The following MAST4 variants were observed in gnomAD, a reference collection of about 807,000 sequenced individuals.
The protein encoded by MAST4 is microtubule associated serine/threonine kinase family member 4, also known as microtubule-associated serine/threonine-protein kinase 4.
Under a neutral mutation model 162.7 loss-of-function variants are expected in MAST4, and 89 were observed. That is an observed-to-expected ratio of 0.55 (90% CI 0.46 to 0.65). The LOEUF (loss-of-function observed/expected upper bound fraction) is 0.65, where lower values mean the gene tolerates loss of function less well. Among genes scored for constraint, MAST4 ranks in the 30% least tolerant of loss-of-function variants. MAST4 has a pLI of 0.00. For missense variants in MAST4, 3,153 were observed against 3,374.0 expected, an observed-to-expected ratio of 0.93 and a Z score of 1.62; for synonymous variants, 1,479 against 1,361.1, an observed-to-expected ratio of 1.09 and a Z score of -1.91.
chr5:67,130,754 C>T (rs1473182107), intron 15 of MAST4, among the ~76,000 whole-genome samples: 1 of 152,096 alleles, frequency 6.6e-6, no homozygotes, highest in African/African-American at 2.4e-5. Context: ...TAAAAGTACT[C>T]ATCACAATTA....
chr5:67,038,256 T>TTA (rs1554085329), intron 4 of MAST4, among the ~76,000 whole-genome samples: 2 of 144,010 alleles, frequency 1.4e-5, no homozygotes, highest in Non-Finnish European at 3.1e-5. Context: ...TTTTTTTTTT[T>TTA]AACACAGATT....
intron 26 of MAST4, among the ~76,000 whole-genome samples, chr5:67,159,048 AAAAG>A (rs1245695547): frequency 6.6e-6 from 1 of 152,242 alleles, no homozygotes; most frequent in African/African-American, 2.4e-5. Flanking sequence ...AAACAACAAA[AAAAG>A]AGAACAATAG....
intron 4 of MAST4, among the ~76,000 whole-genome samples, chr5:66,999,623 G>A (rs1314756834): frequency 1.3e-5 from 2 of 151,946 alleles, no homozygotes; most frequent in East Asian, 1.9e-4. Context: ...CACTACCTTC[G>A]GAGATTGTGT....
intron 1 of MAST4, among the ~76,000 whole-genome samples, chr5:66,642,346 T>G (rs911079050): frequency 6.6e-6 from 1 of 152,172 alleles, no homozygotes; most frequent in Non-Finnish European, 1.5e-5. Flanking sequence ...AGGAGGAACC[T>G]CAACATTATA....
At chr5:67,149,238 G>A (rs1771480566) in intron 23 of MAST4, 151 bp from the exon 24 acceptor site, 3 of 659,964 alleles carry the variant, frequency 4.5e-6, no homozygotes, top group Non-Finnish European at 5.3e-6. Flanking sequence ...ATCACATGTT[G>A]TTAATGTTCG....
chr5:66,627,691 A>G (rs1744526881), intron 1 of MAST4, among the ~76,000 whole-genome samples: 1 of 151,986 alleles, frequency 6.6e-6, no homozygotes, highest in Admixed American at 6.6e-5. Context: ...TATTAAAGAA[A>G]AAACTTCTAG....
chr5:67,050,962 T>C (rs1451992720), intron 4 of MAST4, among the ~76,000 whole-genome samples: 3 of 152,176 alleles, frequency 2.0e-5, no homozygotes, highest in African/African-American at 4.8e-5. Context: ...AGAATGTATT[T>C]GGGGATGGAA....
chr5:67,134,834 A>T, intron 18 of MAST4, 146 bp downstream of exon 18: 8 of 615,662 alleles, frequency 1.3e-5, no homozygotes, highest in Non-Finnish European at 2.1e-5. Flanking sequence ...ATCAAAGCAT[A>T]TAACTGACAT....
intron 4 of MAST4, among the ~76,000 whole-genome samples, chr5:67,027,299 A>G (rs975807522): frequency 6.6e-5 from 10 of 152,208 alleles, no homozygotes; most frequent in Admixed American, 5.2e-4. Context: ...AAGAGTTCAT[A>G]CAGATGTTTT....
intron 1 of MAST4, among the ~76,000 whole-genome samples, chr5:66,609,672 C>T (rs1169185781): frequency 6.6e-6 from 1 of 150,660 alleles, no homozygotes; most frequent in Non-Finnish European, 1.5e-5. Context: ...CAGGAGTAAG[C>T]CACCATGCCC....
At chr5:67,160,682 A>G (rs981808500) in intron 27 of MAST4, 90 bp downstream of exon 27, 5 of 1,411,438 alleles carry the variant, frequency 3.5e-6, no homozygotes, top group Admixed American at 4.7e-5. Context: ...TATGAAGAAG[A>G]TCTATTTTTC....
chr5:66,754,595 T>G (rs529657884), intron 1 of MAST4, among the ~76,000 whole-genome samples: 1 of 152,370 alleles, frequency 6.6e-6, no homozygotes, highest in East Asian at 1.9e-4. Flanking sequence ...GCAATTGATT[T>G]GCTCTTTCCA....
chr5:67,169,274 T>C lies in MAST4; in HGVS notation c.*2223T>C, dbSNP rs1022470396. The C allele has an allele frequency of 6.6e-6, 1 of 152,238 alleles. No homozygotes were observed. The highest frequency in any genetic ancestry group is 1.5e-5 in the Non-Finnish European group (1 of 68,042). The allele number at this position is 152,238 out of a possible 1,614,324, so 9.4% of individuals were successfully genotyped here. A position where few individuals can be genotyped will look rare whatever the true frequency, so the allele number is the denominator to read the frequency against. On this transcript the variant is annotated 3_prime_UTR_variant, in exon 29 of 29. Coordinates refer to ENST00000403625, the MANE Select transcript of MAST4 (RefSeq NM_001164664.2). ...CATTTTTGCCAAATATGTTTTTCAT[T>C]ATAAATGAGTAAAGAGTACTTAAGG...
chr5:66,788,740 G>A lies in MAST4; in HGVS notation c.588G>A (p.Val196=), dbSNP rs764921541. Residue 196 remains valine (V), a synonymous_variant, in exon 3 of 29, where the codon GTG becomes GTA. Transcript: ENST00000403625. ...CCTCTGCAGAGACGTCCAACCTCGTGCGCATGCGCAGCCAGGCCCTGGGCC... is the reference window on the plus strand; with the variant it reads ...CCTCTGCAGAGACGTCCAACCTCGTACGCATGCGCAGCCAGGCCCTGGGCC... The part of the protein sequence containing the change: ...WPASAETSNL[V]RMRSQALGQS... 1 of 1,612,874 alleles carries A rather than the reference G, an allele frequency of 6.2e-7. No homozygotes were observed. Among genetic ancestry groups the A allele is most frequent in the Non-Finnish European group, 8.5e-7 (1 of 1,179,312 alleles).
intron 4 of MAST4, chr5:66,958,925 A>G: frequency 3.3e-6 from 1 of 306,486 alleles, no homozygotes; most frequent in Non-Finnish European, 6.1e-6. Context: ...CACTGAGGTG[A>G]AAAGTGGGTC....
intron 1 of MAST4, among the ~76,000 whole-genome samples, chr5:66,658,317 G>T (rs1580123907): frequency 1.3e-5 from 2 of 152,286 alleles, no homozygotes; most frequent in South Asian, 2.1e-4. Flanking sequence ...GACTAAAAAG[G>T]AATGCAGTTC....
intron 1 of MAST4, among the ~76,000 whole-genome samples, chr5:66,679,123 T>C (rs1337314941): frequency 6.6e-6 from 1 of 152,088 alleles, no homozygotes; most frequent in Non-Finnish European, 1.5e-5. Flanking sequence ...AATTATACCT[T>C]AATAAAGCTG....
At chr5:66,623,613 A>G (rs990929277) in intron 1 of MAST4, among the ~76,000 whole-genome samples, 7 of 152,268 alleles carry the variant, frequency 4.6e-5, no homozygotes, top group Admixed American at 1.3e-4. Context: ...CCAAATAGGC[A>G]TAAGAGGAAC....
Position 66,596,650 on chromosome 5 carries a change from A to T in MAST4, c.-6A>T. ...GCTCGGGAGGCACTTTGGGCCAGAC[A>T]GGGAAATGGGGGAGAAAGTTTCGGA... is the stretch of plus-strand genomic sequence containing the variant. On this transcript the variant is annotated 5_prime_UTR_variant, in exon 1 of 29. Transcript: ENST00000403625. The T allele has an allele frequency of 6.9e-7, 1 of 1,446,676 alleles. No homozygotes were observed. The highest frequency in any genetic ancestry group is 9.1e-7 in the Non-Finnish European group (1 of 1,103,132). 89.6% of individuals were successfully genotyped at this position (1,446,676 alleles called of 1,614,324 possible).
Sources: gnomAD v4.1 joint callset for allele counts (sites outside exome capture counted in the v4.1 genomes callset) on GRCh38, gnomAD v4.1.1 for gene constraint, MANE v1.5 for transcripts, NCBI Gene and HGNC (gene_info 2026-07-23, HGNC 2026-07-21) for gene names.